The following CADPS2 variants were observed in gnomAD, a reference collection of about 807,000 sequenced individuals.
The protein encoded by CADPS2 is calcium dependent secretion activator 2.
A neutral mutation model predicts 172.5 loss-of-function variants in CADPS2; 93 were observed. That is an observed-to-expected ratio of 0.54 (90% confidence interval 0.46 to 0.64). CADPS2 has a LOEUF of 0.64. Ranked by LOEUF, CADPS2 falls within the 30% of genes least tolerant of loss-of-function variation. The probability of loss-of-function intolerance (pLI) is 0.00; values close to 1 mark genes in which losing one functional copy is unlikely to be tolerated. For synonymous variants in CADPS2, 546 were observed against 555.2 expected (o/e 0.98, Z 0.23); for missense variants, 1,420 against 1,565.9 (o/e 0.91, Z 1.57).
At chr7:122,486,065 GC>G (rs2057781189) in intron 11 of CADPS2, among the ~76,000 whole-genome samples, 1 of 152,094 alleles carries the variant, frequency 6.6e-6, no homozygotes, top group African/African-American at 2.4e-5. Flanking sequence ...CACTGACATA[GC>G]ATCTAGTTGC....
intron 1 of CADPS2, among the ~76,000 whole-genome samples, chr7:122,821,810 C>T (rs905377706): frequency 6.6e-6 from 1 of 152,148 alleles, no homozygotes; most frequent in Non-Finnish European, 1.5e-5. Context: ...CAGCCACCAA[C>T]TTAAAAAGGA....
intron 14 of CADPS2, among the ~76,000 whole-genome samples, chr7:122,453,441 A>T (rs1002550081): frequency 6.6e-6 from 1 of 152,192 alleles, no homozygotes; most frequent in African/African-American, 2.4e-5. Context: ...ACAAAAGCTC[A>T]ACTGGGAAGT....
intron 7 of CADPS2, among the ~76,000 whole-genome samples, chr7:122,560,769 T>C (rs545418407): frequency 2.0e-5 from 3 of 152,196 alleles, no homozygotes; most frequent in Admixed American, 1.3e-4. Flanking sequence ...TTTTATACTT[T>C]AGCAAAGATT....
chr7:122,821,030 T>C (rs867733248), intron 1 of CADPS2, among the ~76,000 whole-genome samples: 59 of 150,380 alleles, frequency 3.9e-4, no homozygotes, highest in African/African-American at 1.2e-3. Context: ...TTCTGCTTCC[T>C]GGCTCCTTCA....
chr7:122,531,036 A>G (rs1468592514), intron 8 of CADPS2, among the ~76,000 whole-genome samples: 1 of 152,202 alleles, frequency 6.6e-6, no homozygotes, highest in African/African-American at 2.4e-5. Context: ...GTAGTAGGGA[A>G]GCCTCACTGA....
chr7:122,670,523 A>T (rs2081711518), intron 2 of CADPS2, among the ~76,000 whole-genome samples: 1 of 149,040 alleles, frequency 6.7e-6, no homozygotes. Context: ...TTTGAGATGG[A>T]GTCTCACTCT....
intron 8 of CADPS2, among the ~76,000 whole-genome samples, chr7:122,516,401 A>T (rs1035019629): frequency 6.6e-6 from 1 of 152,020 alleles, no homozygotes; most frequent in Non-Finnish European, 1.5e-5. Context: ...AGCTGGATGC[A>T]GTGGTACACA....
At chr7:122,729,385 G>A (rs557565740) in intron 2 of CADPS2, among the ~76,000 whole-genome samples, 5 of 151,862 alleles carry the variant, frequency 3.3e-5, no homozygotes, top group Admixed American at 2.6e-4. Context: ...TAAATACCAA[G>A]TAATGAGATT....
intron 9 of CADPS2, among the ~76,000 whole-genome samples, chr7:122,499,088 T>G (rs1201226785): frequency 6.6e-6 from 1 of 152,234 alleles, no homozygotes; most frequent in African/African-American, 2.4e-5. Context: ...AACTGGGACT[T>G]TGACATTCTT....
intron 25 of CADPS2, among the ~76,000 whole-genome samples, chr7:122,367,199 A>G (rs947137829): frequency 6.6e-6 from 1 of 152,188 alleles, no homozygotes; most frequent in Non-Finnish European, 1.5e-5. Context: ...AACTTTAATT[A>G]CATAATCTAG....
chr7:122,424,943 G>C (rs1424695080), intron 17 of CADPS2, among the ~76,000 whole-genome samples: 1 of 152,158 alleles, frequency 6.6e-6, no homozygotes, highest in African/African-American at 2.4e-5. Flanking sequence ...AATTTTTCCA[G>C]TGTTAATTTT....
chr7:122,812,554 T>C (rs1800283062), intron 1 of CADPS2, among the ~76,000 whole-genome samples: 2 of 152,060 alleles, frequency 1.3e-5, no homozygotes, highest in African/African-American at 2.4e-5. Context: ...TCCTAGGTAA[T>C]GGCTTGAATT....
chr7:122,559,640 G>A (rs188156293), intron 7 of CADPS2, among the ~76,000 whole-genome samples: 177 of 151,712 alleles, frequency 1.2e-3, no homozygotes, highest in Middle Eastern at 3.4e-3. Context: ...GCATGGTGGC[G>A]GGTGCCTGTA....
intron 1 of CADPS2, among the ~76,000 whole-genome samples, chr7:122,875,435 T>C (rs575077605): frequency 6.6e-6 from 1 of 152,238 alleles, no homozygotes; most frequent in Admixed American, 6.5e-5. Flanking sequence ...AATAAATTAA[T>C]ACAACTAATA....
intron 9 of CADPS2, among the ~76,000 whole-genome samples, chr7:122,498,060 G>A (rs2058893107): frequency 6.6e-6 from 1 of 152,116 alleles, no homozygotes; most frequent in South Asian, 2.1e-4. Flanking sequence ...CCATTCTTGT[G>A]CCTCAGCTTC....
At chr7:122,674,254 A>C (rs1477935728) in intron 2 of CADPS2, among the ~76,000 whole-genome samples, 1 of 152,214 alleles carries the variant, frequency 6.6e-6, no homozygotes, top group Admixed American at 6.5e-5. Context: ...CTCCGGCCTC[A>C]GCCAGCCCAG....
At chr7:122,441,470 T>G in intron 16 of CADPS2, 42 bp downstream of exon 16, 1 of 1,356,820 alleles carries the variant, frequency 7.4e-7, no homozygotes, top group Admixed American at 2.7e-5. Context: ...ACACAGCAAC[T>G]GAGAAAGCAA....
intron 1 of CADPS2, among the ~76,000 whole-genome samples, chr7:122,798,378 C>T (rs1269180695): frequency 6.6e-6 from 1 of 152,118 alleles, no homozygotes; most frequent in East Asian, 1.9e-4. Context: ...TCTAACTAGG[C>T]CATCTAAAGT....
At chr7:122,825,252 A>G (rs1804540497) in intron 1 of CADPS2, among the ~76,000 whole-genome samples, 1 of 152,186 alleles carries the variant, frequency 6.6e-6, no homozygotes, top group Non-Finnish European at 1.5e-5. Context: ...ATTTCCCAAA[A>G]TACACTTTGT....
Sources: gnomAD v4.1 joint callset for allele counts (sites outside exome capture counted in the v4.1 genomes callset) on GRCh38, gnomAD v4.1.1 for gene constraint, MANE v1.5 for transcripts, NCBI Gene and HGNC (gene_info 2026-07-23, HGNC 2026-07-21) for gene names.